The following MLXIPL variants were observed in gnomAD, a reference collection of about 807,000 sequenced individuals.
MLXIPL encodes the protein MLX interacting protein like, also known as carbohydrate-responsive element-binding protein.
A neutral mutation model predicts 81.5 loss-of-function variants in MLXIPL; 49 were observed. The ratio of observed to expected loss-of-function variants is 0.60; its 90% CI spans 0.48 to 0.76. MLXIPL has a LOEUF of 0.76. MLXIPL is among the 30% of genes least tolerant of loss of function. The pLI, the probability that MLXIPL is intolerant of heterozygous loss-of-function variation, is 0.00. For missense variants in MLXIPL, 1,053 were observed against 1,167.0 expected, an observed-to-expected ratio of 0.90 and a Z score of 1.42; for synonymous variants, 466 against 485.5, an observed-to-expected ratio of 0.96 and a Z score of 0.53.
intron 2 of MLXIPL, among the ~76,000 whole-genome samples, chr7:73,608,764 T>G (rs1419403936): frequency 6.6e-6 from 1 of 152,006 alleles, no homozygotes; most frequent in Non-Finnish European, 1.5e-5. Flanking sequence ...CCTCCCAGTC[T>G]CTAATTCTGA....
rs1554598059 is a variant in MLXIPL, at chr7:73,606,112, C to T, written c.619-1G>A. ...CCGGCGGCGGCCACCTGCCTTCCGC[C>T]TAGGGAGACAGAGCCGTCAGCAGCC... is the stretch of plus-strand genomic sequence containing the variant. On this transcript the variant is annotated splice_acceptor_variant, in intron 5 of 16. Coordinates refer to ENST00000313375, the MANE Select transcript of MLXIPL (RefSeq NM_032951.3). LOFTEE classifies it high-confidence loss of function. 2 of 1,571,960 alleles carry T rather than the reference C, an allele frequency of 1.3e-6. No homozygotes were observed. Among genetic ancestry groups the T allele is most frequent in the Non-Finnish European group, 1.7e-6 (2 of 1,158,706 alleles).
At chr7:73,631,557 A>ATTTTTTTTTTTTTTTTT in the MLXIPL span, among the ~76,000 whole-genome samples, 2 of 84,504 alleles carry the variant, frequency 2.4e-5, no homozygotes, top group African/African-American at 4.8e-5. Flanking sequence ...GGATGTTGCT[A>ATTTTTTTTTTTTTTTTT]CTTTTTTTTT....
the MLXIPL span, among the ~76,000 whole-genome samples, chr7:73,629,547 G>A: frequency 1.3e-5 from 2 of 152,128 alleles, no homozygotes; most frequent in African/African-American, 2.4e-5. Context: ...AGCCTGGACA[G>A]CATAGCAAGA....
At chr7:73,616,044 C>T in intron 2 of MLXIPL, 27 bp downstream of exon 2, 1 of 1,584,970 alleles carries the variant, frequency 6.3e-7, no homozygotes. Flanking sequence ...TCCCTCCCGG[C>T]TTGGGAGGCT....
intron 4 of MLXIPL, 117 bp downstream of exon 4, chr7:73,607,214 C>T (rs1309843028): frequency 2.3e-6 from 3 of 1,288,656 alleles, no homozygotes; most frequent in Admixed American, 2.0e-5. Flanking sequence ...GAATGGAGGG[C>T]CCGAGGGGCG....
At chr7:73,600,701 GC>G (rs1476285880) in intron 7 of MLXIPL, among the ~76,000 whole-genome samples, 4 of 92,250 alleles carry the variant, frequency 4.3e-5, no homozygotes, top group Non-Finnish European at 6.6e-5. Flanking sequence ...GGCGAGAGGG[GC>G]CCTAAGGGTG....
intron 8 of MLXIPL, among the ~76,000 whole-genome samples, chr7:73,599,208 C>T (rs1469513181): frequency 6.6e-6 from 1 of 151,800 alleles, no homozygotes; most frequent in Non-Finnish European, 1.5e-5. Flanking sequence ...TGAGGTCAGC[C>T]AGTCCCTTCT....
chr7:73,636,494 G>A, the MLXIPL span, among the ~76,000 whole-genome samples: 1 of 152,020 alleles, frequency 6.6e-6, no homozygotes, highest in Non-Finnish European at 1.5e-5. Flanking sequence ...GAGAAACAAA[G>A]GCGGGGGCTG....
At chr7:73,616,834 G>A (rs1279154659) in intron 1 of MLXIPL, among the ~76,000 whole-genome samples, 2 of 133,954 alleles carry the variant, frequency 1.5e-5, no homozygotes, top group Admixed American at 1.6e-4. Context: ...GGCAACAAGA[G>A]TGAAACTCCG....
At chr7:73,602,885 G>A (rs1265384532) in intron 7 of MLXIPL, among the ~76,000 whole-genome samples, 1 of 152,196 alleles carries the variant, frequency 6.6e-6, no homozygotes, top group Non-Finnish European at 1.5e-5. Flanking sequence ...AGGGGTCATG[G>A]GGCCGCAAGG....
At chr7:73,630,474 G>C in the MLXIPL span, among the ~76,000 whole-genome samples, 5 of 151,124 alleles carry the variant, frequency 3.3e-5, no homozygotes, top group African/African-American at 1.2e-4. Flanking sequence ...TGTATTTTTT[G>C]TAGAGATGGG....
At chr7:73,632,167 T>C in the MLXIPL span, among the ~76,000 whole-genome samples, 1 of 151,802 alleles carries the variant, frequency 6.6e-6, no homozygotes, top group Admixed American at 6.6e-5. Flanking sequence ...TTTTTTATTA[T>C]TTATTTATTT....
intron 2 of MLXIPL, chr7:73,610,062 A>C (rs540490023): frequency 6.6e-6 from 1 of 152,548 alleles, no homozygotes; most frequent in Non-Finnish European, 1.5e-5. Flanking sequence ...CCTCATATCC[A>C]GCTGCCTGGG....
At chr7:73,629,404 G>A (rs1796800831), upstream of MLXIPL, among the ~76,000 whole-genome samples, 1 of 152,098 alleles carries the variant, frequency 6.6e-6, no homozygotes, top group Non-Finnish European at 1.5e-5. Context: ...GATGACGCAC[G>A]TGCTTTTCCT....
Position 73,596,127 on chromosome 7 carries a change from G to T in MLXIPL, c.2058+26C>A. 1 of 1,609,414 alleles carries T rather than the reference G, an allele frequency of 6.2e-7. No homozygotes were observed. Among genetic ancestry groups the T allele is most frequent in the South Asian group, 1.1e-5 (1 of 90,952 alleles). On this transcript the variant is annotated intron_variant, in intron 13 of 16. Coordinates refer to ENST00000313375, the MANE Select transcript of MLXIPL (RefSeq NM_032951.3). This position sits in a 1 kb window ranked among gnomAD's most constrained non-coding sequence, Gnocchi z 4.7. ...CAGAAAGGGGCCCTGTGGTTTTGGG[G>T]GTGCCAGCCTGGGCCCGGGGCTCAC...
At chr7:73,628,530 G>A (rs1319027985), upstream of MLXIPL, among the ~76,000 whole-genome samples, 1 of 152,166 alleles carries the variant, frequency 6.6e-6, no homozygotes, top group Non-Finnish European at 1.5e-5. Flanking sequence ...GGGTCTCGCT[G>A]TGTCACCCAG....
the MLXIPL span, among the ~76,000 whole-genome samples, chr7:73,646,582 G>C: frequency 6.6e-6 from 1 of 152,074 alleles, no homozygotes; most frequent in Non-Finnish European, 1.5e-5. Flanking sequence ...TGTGTCCTTA[G>C]GGGGCAATTA....
the MLXIPL span, among the ~76,000 whole-genome samples, chr7:73,645,164 C>CTATA: frequency 1.3e-5 from 2 of 152,178 alleles, no homozygotes; most frequent in East Asian, 3.9e-4. Flanking sequence ...GTAGCTATGA[C>CTATA]TATATGCCTG....
At chr7:73,637,534 A>T in the MLXIPL span, among the ~76,000 whole-genome samples, 1 of 152,096 alleles carries the variant, frequency 6.6e-6, no homozygotes, top group African/African-American at 2.4e-5. Context: ...AAGCACTGAT[A>T]CGCAAGACAG....
Sources: gnomAD v4.1 joint callset for allele counts (sites outside exome capture counted in the v4.1 genomes callset) on GRCh38, gnomAD v4.1.1 for gene constraint, Gnocchi (gnomAD v3.1) non-coding constraint, MANE v1.5 for transcripts, NCBI Gene and HGNC (gene_info 2026-07-23, HGNC 2026-07-21) for gene names.